The following CDH19 variants were observed in gnomAD, a reference collection of about 807,000 sequenced individuals.
The protein encoded by CDH19 is cadherin-19.
CDH19 carries 67 observed loss-of-function variants against 64.2 expected under a neutral mutation model. That is an observed-to-expected ratio of 1.04 (90% CI 0.86 to 1.28). The LOEUF (loss-of-function observed/expected upper bound fraction) is 1.28, where lower values mean the gene tolerates loss of function less well. Among genes scored for constraint, CDH19 ranks in the 50% most tolerant of loss-of-function variants. The pLI is 0.00. For synonymous variants in CDH19, 346 were observed against 319.3 expected (o/e 1.08, Z -0.89); for missense variants, 1,030 against 929.0 (o/e 1.11, Z -1.41).
chr18:66,514,355 A>AGGAC lies in CDH19; in HGVS notation c.1459-2671_1459-2670insGTCC, dbSNP rs2144357898. ...AAAGTTAGTGACAGAGAAATAAGTA[A>AGGAC]TATAATTTTGTAGAATAAGGACCAA... On this transcript the variant is annotated intron_variant, in intron 9 of 11. Coordinates refer to ENST00000262150, the MANE Select transcript of CDH19 (RefSeq NM_021153.4). Among the ~76,000 whole-genome samples the AGGAC allele has an allele frequency of 2.0e-5, 3 of 151,698 alleles. No individual in the cohort carries two copies. In the South Asian group the frequency reaches 6.2e-4, roughly 31 times the overall value.
chr18:66,601,525 T>C (rs1380345970), intron 1 of CDH19, among the ~76,000 whole-genome samples: 1 of 152,044 alleles, frequency 6.6e-6, no homozygotes, highest in African/African-American at 2.4e-5. Context: ...AAATAACATT[T>C]CAAATTTCAC....
intron 1 of CDH19, among the ~76,000 whole-genome samples, chr18:66,573,803 A>G (rs1252071440): frequency 6.6e-6 from 1 of 151,300 alleles, no homozygotes; most frequent in Admixed American, 6.6e-5. Flanking sequence ...AGTAATTACC[A>G]ACACATGGTC....
intron 9 of CDH19, among the ~76,000 whole-genome samples, chr18:66,521,725 C>T (rs987213718): frequency 4.6e-5 from 7 of 151,382 alleles, no homozygotes; most frequent in Admixed American, 2.6e-4. Flanking sequence ...AATGTAGAGA[C>T]GGAATTTCAC....
Position 66,504,787 on chromosome 18 carries a change from T to A in CDH19, c.*25A>T, listed in dbSNP as rs776663856. 7 of 1,571,284 alleles carry A rather than the reference T, an allele frequency of 4.5e-6. No individual in the cohort carries two copies. Among genetic ancestry groups the A allele is most frequent in the Non-Finnish European group, 4.3e-6 (5 of 1,155,738 alleles). On this transcript the variant is annotated 3_prime_UTR_variant, in exon 12 of 12. Transcript: ENST00000262150. ...TGGGTTCGAATACACATTAGCACTT[T>A]TAAAAATTTTGATGGTAAAAAGCCC...
intron 9 of CDH19, among the ~76,000 whole-genome samples, chr18:66,522,407 C>T (rs1156730876): frequency 1.3e-5 from 2 of 152,110 alleles, no homozygotes; most frequent in African/African-American, 4.8e-5. Flanking sequence ...TTCGCCACTA[C>T]GCCCGGCTAA....
At chr18:66,521,110 C>A (rs1985962916) in intron 9 of CDH19, among the ~76,000 whole-genome samples, 1 of 151,920 alleles carries the variant, frequency 6.6e-6, no homozygotes, top group Admixed American at 6.6e-5. Flanking sequence ...TTCATCAAAC[C>A]AATCTATGAA....
chr18:66,603,951 T>C lies in CDH19; in HGVS notation c.-113+3A>G, dbSNP rs1163482164. On this transcript the variant is annotated splice_donor_region_variant and intron_variant, in intron 1 of 11. Transcript: ENST00000262150. ...ATAATATGCCTGATTATCACAGTCT[T>C]ACCTTTGTAACTTCAACTTCTAGAA... 6.6e-6 allele frequency: 1 copy of C among 152,152 alleles called. No individual in the cohort carries two copies. Among genetic ancestry groups the C allele is most frequent in the Non-Finnish European group, 1.5e-5 (1 of 68,024 alleles). The allele number at this position is 152,152 out of a possible 1,614,324, so 9.4% of individuals were successfully genotyped here.
At chr18:66,571,599 G>C (rs541766436) in intron 2 of CDH19, among the ~76,000 whole-genome samples, 2 of 151,568 alleles carry the variant, frequency 1.3e-5, no homozygotes, top group South Asian at 4.2e-4. Flanking sequence ...TTAACTGTAG[G>C]AGAATATGGT....
intron 8 of CDH19, among the ~76,000 whole-genome samples, chr18:66,534,591 G>A (rs948077362): frequency 6.6e-6 from 1 of 151,764 alleles, no homozygotes; most frequent in African/African-American, 2.4e-5. Context: ...ATTTCTTTAA[G>A]CTTTAATAAA....
At chr18:66,547,920 G>A (rs1043491899) in intron 5 of CDH19, among the ~76,000 whole-genome samples, 28 of 147,974 alleles carry the variant, frequency 1.9e-4, no homozygotes, top group Non-Finnish European at 3.1e-4. Flanking sequence ...GCCCGCCTCG[G>A]CCTCCCAAAG....
At position 66,597,343 on chromosome 18, in the gene CDH19, A is replaced by C. The variant is rs563881620; in HGVS notation, c.-113+6611T>G. Among the ~76,000 whole-genome samples the C allele has an allele frequency of 2.6e-5, 4 of 152,134 alleles. No individual in the cohort carries two copies. The East Asian group carries it at 7.8e-4, about 29-fold the overall frequency. Reference sequence around the variant, plus strand: ...TCTGATCTTCGATGAAGCCATCCATAATAAGCAATGGGGAAAGGACTCCTT... The same window carrying C: ...TCTGATCTTCGATGAAGCCATCCATCATAAGCAATGGGGAAAGGACTCCTT... On this transcript the variant is annotated intron_variant, in intron 1 of 11. Coordinates refer to ENST00000262150, the MANE Select transcript of CDH19 (RefSeq NM_021153.4).
intron 9 of CDH19, among the ~76,000 whole-genome samples, chr18:66,521,916 CTGTTGTTGTTGT>C (rs201747306): frequency 7.1e-4 from 79 of 111,474 alleles, no homozygotes; most frequent in East Asian, 1.4e-3. Flanking sequence ...GTTACTTGTT[CTGTTGTTGTTGT>C]TGTTGTTGTT....
chr18:66,574,377 A>G (rs1390888157), intron 1 of CDH19, among the ~76,000 whole-genome samples: 1 of 151,724 alleles, frequency 6.6e-6, no homozygotes, highest in African/African-American at 2.4e-5. Flanking sequence ...ACCAGAAGAA[A>G]TGTTGAACGT....
At chr18:66,581,131 T>C (rs954463689) in intron 1 of CDH19, among the ~76,000 whole-genome samples, 2 of 152,160 alleles carry the variant, frequency 1.3e-5, no homozygotes, top group Admixed American at 6.6e-5. Flanking sequence ...GAAATGCTAA[T>C]ACTATGTCTT....
chr18:66,530,421 C>T (rs888489685), intron 8 of CDH19, among the ~76,000 whole-genome samples: 1 of 151,916 alleles, frequency 6.6e-6, no homozygotes, highest in Non-Finnish European at 1.5e-5. Context: ...AAGGTTATAG[C>T]TGCAGTGCTA....
In CDH19 at chr18:66,544,223, T is replaced by G; in HGVS notation, c.962A>C (p.Lys321Thr). The stretch of plus-strand genomic sequence containing the variant: ...GTGGTTCTGGTGCTCAAAATCCACT[T>G]TCTGCAAAGAAACACAGTATACACA... ...TQEGIVILKK[K>T]VDFEHQNHYG... The change falls in exon 7 of 12, where the codon AAA (lysine) becomes ACA (threonine). Residue 321 changes from lysine (K) to threonine (T), a missense_variant and splice_region_variant. Lys to Thr is a moderately conservative substitution (Grantham distance 78, BLOSUM62 -1). Transcript: ENST00000262150. The G allele has an allele frequency of 6.2e-7, 1 of 1,612,306 alleles. No homozygotes were observed. The highest frequency in any genetic ancestry group is 8.5e-7 in the Non-Finnish European group (1 of 1,179,134).
intron 1 of CDH19, among the ~76,000 whole-genome samples, chr18:66,596,857 C>T (rs867188651): frequency 6.6e-5 from 10 of 150,850 alleles, no homozygotes; most frequent in South Asian, 2.1e-4. Context: ...CCGAGGCGGG[C>T]GGATCACGAG....
At chr18:66,554,922 T>C (rs942777310) in intron 3 of CDH19, among the ~76,000 whole-genome samples, 1 of 151,874 alleles carries the variant, frequency 6.6e-6, no homozygotes, top group Non-Finnish European at 1.5e-5. Context: ...AGCCTGTACC[T>C]TAAACAAAGT....
chr18:66,506,016 A>T (rs8094600), intron 11 of CDH19, among the ~76,000 whole-genome samples: 34,973 of 151,884 alleles, frequency 0.23, 4,446 homozygotes, highest in East Asian at 0.46. Context: ...AGTCATTTAC[A>T]GCAACATAGA....
Sources: gnomAD v4.1 joint callset for allele counts (sites outside exome capture counted in the v4.1 genomes callset) on GRCh38, gnomAD v4.1.1 for gene constraint, MANE v1.5 for transcripts, NCBI Gene and HGNC (gene_info 2026-07-23, HGNC 2026-07-21) for gene names.